CHURC1: variants seen among roughly 807,000 people sequenced by gnomAD.
CHURC1 encodes churchill domain containing 1, also known as protein Churchill.
CHURC1 carries 12 observed loss-of-function variants against 15.4 expected under a neutral mutation model. The observed-to-expected ratio is 0.78, with a 90% CI of 0.50 to 1.27. The LOEUF (loss-of-function observed/expected upper bound fraction) is 1.27. Ranked by LOEUF, CHURC1 falls within the 50% of genes most tolerant of loss-of-function variation. The pLI is 0.00. For synonymous variants in CHURC1, 42 were observed against 47.5 expected, an observed-to-expected ratio of 0.88 and a Z score of 0.48; for missense variants, 132 against 137.8, an observed-to-expected ratio of 0.96 and a Z score of 0.21.
chr14:64,934,001 T>G lies in CHURC1; in HGVS notation c.*1771T>G. On this transcript the variant is annotated 3_prime_UTR_variant, in exon 4 of 4. Transcript: ENST00000549115. ...TGAAAAGGTTTATATTCACTATTCT[T>G]TATTTCAGTGTAGCACTTTTAGAGC... 1.0e-6 allele frequency: 1 copy of G among 984,828 alleles called. No homozygotes were observed. The highest frequency in any genetic ancestry group is 1.2e-6 in the Non-Finnish European group (1 of 829,902). The allele number at this position is 984,828 out of a possible 1,614,324, so 61.0% of individuals were successfully genotyped here. A position where few individuals can be genotyped will look rare whatever the true frequency, so the allele number is the denominator to read the frequency against.
intron 1 of CHURC1, among the ~76,000 whole-genome samples, chr14:64,917,787 A>G (rs561160524): frequency 6.6e-6 from 1 of 152,238 alleles, no homozygotes; most frequent in African/African-American, 2.4e-5. Context: ...GGAGACCTAT[A>G]CATGATCACA....
At chr14:64,928,287 G>A (rs1001566166) in intron 3 of CHURC1, among the ~76,000 whole-genome samples, 5 of 151,998 alleles carry the variant, frequency 3.3e-5, no homozygotes, top group African/African-American at 9.7e-5. Flanking sequence ...TTACTCTGCC[G>A]CCCAAGATGG....
chr14:64,914,943 A>G (rs1180936996), intron 1 of CHURC1, among the ~76,000 whole-genome samples: 1 of 152,196 alleles, frequency 6.6e-6, no homozygotes, highest in South Asian at 2.1e-4. Flanking sequence ...AGATGAAGAA[A>G]CCGATGCCCA....
chr14:64,922,102 G>T (rs779182755), intron 1 of CHURC1, among the ~76,000 whole-genome samples: 9 of 152,166 alleles, frequency 5.9e-5, no homozygotes, highest in Non-Finnish European at 1.2e-4. Context: ...GGGTGGGATG[G>T]AGGTTAGAGA....
At chr14:64,923,787 C>CTTT (rs60825476) in intron 1 of CHURC1, among the ~76,000 whole-genome samples, 10 of 76,992 alleles carry the variant, frequency 1.3e-4, no homozygotes, top group African/African-American at 2.4e-4. Context: ...ACTTTAGTTG[C>CTTT]TTTTTTTTTT....
At chr14:64,931,960 A>G (rs950593456) in intron 3 of CHURC1, among the ~76,000 whole-genome samples, 178 bp from the exon 4 acceptor site, 2 of 152,250 alleles carry the variant, frequency 1.3e-5, no homozygotes, top group African/African-American at 4.8e-5. Context: ...TATATAAACA[A>G]CAGGCTCTGG....
chr14:64,925,065 C>A (rs1355852882), intron 2 of CHURC1, among the ~76,000 whole-genome samples: 2 of 152,126 alleles, frequency 1.3e-5, no homozygotes, highest in African/African-American at 4.8e-5. Context: ...AGAGCAAGGG[C>A]CCTGGAGCTA....
At chr14:64,922,914 T>C (rs972455850) in intron 1 of CHURC1, among the ~76,000 whole-genome samples, 3 of 152,220 alleles carry the variant, frequency 2.0e-5, no homozygotes, top group Non-Finnish European at 4.4e-5. Context: ...TTAATTTCGC[T>C]GATGCTTCTT....
chr14:64,928,705 A>C (rs570934457), intron 3 of CHURC1, among the ~76,000 whole-genome samples: 1 of 149,380 alleles, frequency 6.7e-6, no homozygotes, highest in Non-Finnish European at 1.5e-5. Context: ...TCTCTCTTAC[A>C]TGGCTTCTGC....
chr14:64,934,122 C>A lies in CHURC1; in HGVS notation c.*1892C>A. ...CTTTGGGAGGCCAAAGCAGGCGGATCACCTGAGGTCAGGAGTTTGAGACCA... is the reference window on the plus strand; with the variant it reads ...CTTTGGGAGGCCAAAGCAGGCGGATAACCTGAGGTCAGGAGTTTGAGACCA... On this transcript the variant is annotated 3_prime_UTR_variant, in exon 4 of 4. Transcript: ENST00000549115. The A allele has an allele frequency of 1.2e-6, 1 of 852,416 alleles. No homozygotes were observed. Among genetic ancestry groups the A allele is most frequent in the African/African-American group, 1.8e-5 (1 of 54,326 alleles). 52.8% of individuals were successfully genotyped at this position (852,416 alleles called of 1,614,324 possible). A position where few individuals can be genotyped will look rare whatever the true frequency, so the allele number is the denominator to read the frequency against.
chr14:64,928,176 T>G (rs1360521016), intron 3 of CHURC1, among the ~76,000 whole-genome samples: 2 of 152,212 alleles, frequency 1.3e-5, no homozygotes, highest in Non-Finnish European at 2.9e-5. Flanking sequence ...AATCTCATGT[T>G]ATCGTCTTTC....
chr14:64,926,205 C>A (rs1884684138), intron 3 of CHURC1, 125 bp downstream of exon 3: 117 of 326,094 alleles, frequency 3.6e-4, no homozygotes, highest in Middle Eastern at 8.2e-4. Context: ...TTAAAGGAGA[C>A]TATGCCTTTT....
In CHURC1 at chr14:64,934,719, AT is replaced by A; in HGVS notation, c.*2490del. On this transcript the variant is annotated 3_prime_UTR_variant, in exon 4 of 4. Coordinates refer to ENST00000549115, the MANE Select transcript of CHURC1 (RefSeq NM_001386928.1). Reference sequence around the variant, plus strand: ...TTTAAATAGCAGCATTAAGCCCATTATAGCCTCTGAATTGTCCCTTCCTTGA... The same window carrying A: ...TTTAAATAGCAGCATTAAGCCCATTAAGCCTCTGAATTGTCCCTTCCTTGA... The A allele has an allele frequency of 1.0e-6, 1 of 985,462 alleles. No individual in the cohort carries two copies. Among genetic ancestry groups the A allele is most frequent in the South Asian group, 4.7e-5 (1 of 21,290 alleles). 61.0% of individuals were successfully genotyped at this position (985,462 alleles called of 1,614,324 possible). A position where few individuals can be genotyped will look rare whatever the true frequency, so the allele number is the denominator to read the frequency against.
At position 64,933,202 on chromosome 14, in the gene CHURC1, G is replaced by A. The variant is rs1484918949; in HGVS notation, c.*972G>A. 1.0e-5 allele frequency: 2 copies of A among 199,686 alleles called. No homozygotes were observed. The highest frequency in any genetic ancestry group is 1.8e-5 in the Non-Finnish European group (2 of 111,242). 12.4% of individuals were successfully genotyped at this position (199,686 alleles called of 1,614,324 possible). On this transcript the variant is annotated 3_prime_UTR_variant, in exon 4 of 4. Transcript: ENST00000549115. The stretch of plus-strand genomic sequence containing the variant: ...AACTATCAAGGCCATAAAAAACAAG[G>A]AAAATCTGAGACATGGTCACAGCCA...
rs1213485070 is a variant in CHURC1, at chr14:64,933,602, G to A, written c.*1372G>A. 3.1e-6 allele frequency: 3 copies of A among 983,342 alleles called. No homozygotes were observed. Among genetic ancestry groups the A allele is most frequent in the East Asian group, 1.1e-4 (1 of 8,822 alleles). 60.9% of individuals were successfully genotyped at this position (983,342 alleles called of 1,614,324 possible). On this transcript the variant is annotated 3_prime_UTR_variant, in exon 4 of 4. Coordinates refer to ENST00000549115, the MANE Select transcript of CHURC1 (RefSeq NM_001386928.1). ...ATTGTTAGGAGATTTAAATGAATTA[G>A]TGAATGTAAGATACTTTAGAAAGCA...
rs967110373 is a variant in CHURC1, at chr14:64,934,354, AAAAAC to A, written c.*2137_*2141del. 17 of 917,384 alleles carry A rather than the reference AAAAAC, an allele frequency of 1.9e-5. No homozygotes were observed. The highest frequency in any genetic ancestry group is 1.8e-5 in the Non-Finnish European group (14 of 768,376). 56.8% of individuals were successfully genotyped at this position (917,384 alleles called of 1,614,324 possible). ...CAGAGCAAGACTCCATCTCAAAAAC[AAAAAC>A]AAAACAAAACAACAACAAAAAAAGA... On this transcript the variant is annotated 3_prime_UTR_variant, in exon 4 of 4. Transcript: ENST00000549115.
chr14:64,914,684 A>T, intron 1 of CHURC1, 150 bp downstream of exon 1: 3 of 1,456,736 alleles, frequency 2.1e-6, no homozygotes, highest in Non-Finnish European at 2.8e-6. Flanking sequence ...CACACCAGGG[A>T]TGGCCTGTGG....
In CHURC1 at chr14:64,930,117, T is replaced by TA. The variant is rs774296050; in HGVS notation, c.247-2007dup. Among the ~76,000 whole-genome samples, 309 of 127,816 alleles carry TA rather than the reference T, an allele frequency of 2.4e-3. 2 individuals carry two copies. Among genetic ancestry groups the TA allele is most frequent in the African/African-American group, 5.2e-3 (178 of 34,494 alleles). 83.9% of individuals were successfully genotyped at this position (127,816 alleles called of 152,430 possible). On this transcript the variant is annotated intron_variant, in intron 3 of 3. Transcript: ENST00000549115. ...AGAGAAAAAAGTAAAGCCCTCAGAA[T>TA]AAAAAAAAAAAAAAGATCTGGTCTT... is the stretch of plus-strand genomic sequence containing the variant.
At chr14:64,928,422 A>G (rs1041009316) in intron 3 of CHURC1, among the ~76,000 whole-genome samples, 6 of 151,840 alleles carry the variant, frequency 4.0e-5, no homozygotes, top group Non-Finnish European at 8.8e-5. Flanking sequence ...TATTTAAAAA[A>G]TTTTTTTTGT....
Sources: allele counts gnomAD v4.1 joint callset (sites outside exome capture counted in the v4.1 genomes callset), GRCh38; gene constraint gnomAD v4.1.1; transcripts MANE v1.5; gene names NCBI Gene and HGNC (gene_info 2026-07-23, HGNC 2026-07-21).